Variants in ATXN3 observed in about 807,000 individuals in gnomAD.
ATXN3 encodes ataxin 3.
ATXN3 carries 28 observed loss-of-function variants against 58.2 expected under a neutral mutation model. That is an observed-to-expected ratio of 0.48 (90% CI 0.36 to 0.66). The LOEUF (loss-of-function observed/expected upper bound fraction) is 0.66. Among genes scored for constraint, ATXN3 ranks in the 30% least tolerant of loss-of-function variants. The pLI is 0.00. For synonymous variants in ATXN3, 113 were observed against 138.5 expected (o/e 0.82, Z 1.29); for missense variants, 321 against 422.1 (o/e 0.76, Z 2.10).
At chr14:92,076,227 C>A (rs56384416) in intron 9 of ATXN3, among the ~76,000 whole-genome samples, 11,678 of 152,172 alleles carry the variant, frequency 0.077, 588 homozygotes, top group Admixed American at 0.14. Context: ...TGGCAGATTG[C>A]CTGAGATCAG....
At chr14:92,094,604 T>C (rs960733182) in intron 3 of ATXN3, among the ~76,000 whole-genome samples, 1 of 152,198 alleles carries the variant, frequency 6.6e-6, no homozygotes, top group Admixed American at 6.5e-5. Flanking sequence ...TTGCCGCTTG[T>C]AGAAAAAACA....
intron 1 of ATXN3, chr14:92,048,119 A>G (rs1461594392): frequency 6.6e-6 from 1 of 152,254 alleles, no homozygotes; most frequent in African/African-American, 2.4e-5. Context: ...CTTAGGAGGA[A>G]TCCTGGGCTG....
rs185548077 is a variant in ATXN3, at chr14:92,068,520, C to G, written c.991+2415G>C. 2.0e-4 allele frequency among the ~76,000 whole-genome samples: 31 copies of G among 152,278 alleles called. 1 individual carries two copies. Among genetic ancestry groups the G allele is most frequent in the Admixed American group, 1.7e-3 (26 of 15,292 alleles). Reference sequence around the variant, plus strand: ...AAAGAAAATCCAGTCCACTCCCCACCACACTGCTCCTCTGGTTCCAAGGTC... The same window carrying G: ...AAAGAAAATCCAGTCCACTCCCCACGACACTGCTCCTCTGGTTCCAAGGTC... On this transcript the variant is annotated intron_variant, in intron 10 of 10. Coordinates refer to ENST00000644486, the MANE Select transcript of ATXN3 (RefSeq NM_004993.6).
At chr14:92,103,000 A>C (rs2067195757) in intron 1 of ATXN3, among the ~76,000 whole-genome samples, 1 of 152,100 alleles carries the variant, frequency 6.6e-6, no homozygotes, top group Non-Finnish European at 1.5e-5. Flanking sequence ...CTTTTCAATA[A>C]TTTTATGTAC....
intron 10 of ATXN3, among the ~76,000 whole-genome samples, chr14:92,068,599 T>C (rs2058852367): frequency 9.9e-5 from 15 of 152,028 alleles, no homozygotes; most frequent in Admixed American, 9.8e-4. Flanking sequence ...TGGTTTTTTT[T>C]TTCTTTTTGA....
chr14:92,065,474 C>T (rs1372031560), intron 10 of ATXN3, among the ~76,000 whole-genome samples: 4 of 152,166 alleles, frequency 2.6e-5, no homozygotes, highest in Non-Finnish European at 5.9e-5. Context: ...TGGCTCAAGC[C>T]TGTAATACTA....
chr14:92,067,926 C>G (rs546516438), intron 10 of ATXN3, among the ~76,000 whole-genome samples: 1 of 152,232 alleles, frequency 6.6e-6, no homozygotes, highest in African/African-American at 2.4e-5. Flanking sequence ...CATGGGAGTT[C>G]TAGCCCCCTA....
At chr14:92,047,869 T>C (rs1290314490) in intron 2 of ATXN3, 1 of 152,086 alleles carries the variant, frequency 6.6e-6, no homozygotes, top group East Asian at 1.9e-4. Flanking sequence ...GTAGCTCCCA[T>C]ATCGATTAAA....
chr14:92,106,576 C>A lies in ATXN3; in HGVS notation c.-24G>T. 1 of 1,611,790 alleles carries A rather than the reference C, an allele frequency of 6.2e-7. No individual in the cohort carries two copies. The highest frequency in any genetic ancestry group is 2.2e-5 in the East Asian group (1 of 44,732). On this transcript the variant is annotated 5_prime_UTR_variant, in exon 1 of 11. Transcript: ENST00000644486. The stretch of plus-strand genomic sequence containing the variant: ...ATGTTTATTTGTCTGGAGCCAACGG[C>A]CCCCACGCCGAACCACCCCCTCCAG...
chr14:92,095,306 C>T (rs985514618), intron 3 of ATXN3, among the ~76,000 whole-genome samples: 1 of 151,964 alleles, frequency 6.6e-6, no homozygotes, highest in East Asian at 1.9e-4. Flanking sequence ...TGCAGTGGCG[C>T]GATCTTGGCT....
rs577866202 is a variant in ATXN3, at chr14:92,090,776, C to G, written c.388-1959G>C. ...ACATTTATTTGCAAATTAATACAAC[C>G]TTAAAAATTCAGTGCTTACTTTATA... On this transcript the variant is annotated intron_variant, in intron 5 of 10. Coordinates refer to ENST00000644486, the MANE Select transcript of ATXN3 (RefSeq NM_004993.6). Among the ~76,000 whole-genome samples the G allele has an allele frequency of 1.9e-4, 29 of 152,068 alleles. 1 individual carries two copies. The highest frequency in any genetic ancestry group is 6.2e-4 in the South Asian group (3 of 4,820).
chr14:92,079,534 C>A, intron 9 of ATXN3: 1 of 636,922 alleles, frequency 1.6e-6, no homozygotes, highest in Non-Finnish European at 2.0e-6. Context: ...TAAAATGAGC[C>A]AATATTTATA....
chr14:92,073,754 G>A (rs1449015934), intron 9 of ATXN3, among the ~76,000 whole-genome samples: 2 of 152,048 alleles, frequency 1.3e-5, no homozygotes, highest in East Asian at 3.9e-4. Context: ...CAGGAGAATT[G>A]CTTGAACCCG....
chr14:92,081,708 T>C (rs1479717916), intron 8 of ATXN3, among the ~76,000 whole-genome samples: 2 of 152,094 alleles, frequency 1.3e-5, no homozygotes, highest in Non-Finnish European at 2.9e-5. Flanking sequence ...CATTAGAAAG[T>C]AGAAGCAAAT....
chr14:92,053,405 CG>C, upstream of ATXN3, among the ~76,000 whole-genome samples: 1 of 151,656 alleles, frequency 6.6e-6, no homozygotes, highest in South Asian at 2.1e-4. Flanking sequence ...GTAATGTAAA[CG>C]GAAGTAGTAT....
At position 92,082,423 on chromosome 14, in the gene ATXN3, C is replaced by A; in HGVS notation, c.652G>T (p.Gly218Cys). ...TCATCTTCGTCTAACATTCCTGAGC[C>A]ATCATTTGCTTCTAACACTCGTTCC... Reference protein sequence around the residue: ...DLERVLEANDGSGMLDEDEED... With the variant: ...DLERVLEANDCSGMLDEDEED... Residue 218 changes from glycine to cysteine, a missense_variant, in exon 8 of 11, where the codon GGC (glycine) becomes TGC (cysteine). Physicochemically the swap from Gly to Cys is radical, Grantham distance 159. This residue lies in a region of ATXN3 where 200 missense variants were observed against 223.2 expected (regional missense o/e 0.90). Coordinates refer to ENST00000644486, the MANE Select transcript of ATXN3 (RefSeq NM_004993.6). 1 of 1,614,118 alleles carries A rather than the reference C, an allele frequency of 6.2e-7. No homozygotes were observed. Among genetic ancestry groups the A allele is most frequent in the South Asian group, 1.1e-5 (1 of 91,076 alleles).
At chr14:92,098,110 G>A (rs2065855758) in intron 1 of ATXN3, among the ~76,000 whole-genome samples, 1 of 151,986 alleles carries the variant, frequency 6.6e-6, no homozygotes, top group Non-Finnish European at 1.5e-5. Context: ...ATTACTAATG[G>A]TGAAAGGAAA....
chr14:92,100,089 A>G (rs2066421883), intron 1 of ATXN3, among the ~76,000 whole-genome samples: 2 of 152,208 alleles, frequency 1.3e-5, no homozygotes, highest in African/African-American at 2.4e-5. Flanking sequence ...TAAAACCACA[A>G]TGTGTTAGTA....
intron 5 of ATXN3, among the ~76,000 whole-genome samples, chr14:92,091,585 T>A (rs2063820180): frequency 6.6e-6 from 1 of 152,100 alleles, no homozygotes; most frequent in Admixed American, 6.5e-5. Context: ...CAGATTTAAT[T>A]CAATATATTT....
Sources: gnomAD v4.1 joint callset for allele counts (sites outside exome capture counted in the v4.1 genomes callset) on GRCh38, gnomAD v4.1.1 for gene constraint, gnomAD v4.1.1 regional missense constraint, MANE v1.5 for transcripts, NCBI Gene and HGNC (gene_info 2026-07-23, HGNC 2026-07-21) for gene names.